EXOC4: variants seen among roughly 807,000 people sequenced by gnomAD.
EXOC4 encodes the protein exocyst complex component 4.
EXOC4 carries 71 observed loss-of-function variants against 107.2 expected under a neutral mutation model. That is an observed-to-expected ratio of 0.66 (90% CI 0.55 to 0.81). The LOEUF (loss-of-function observed/expected upper bound fraction) is 0.81. Among genes scored for constraint, EXOC4 ranks in the 30% least tolerant of loss-of-function variants. The probability of loss-of-function intolerance (pLI) is 0.00; values close to 1 mark genes in which losing one functional copy is unlikely to be tolerated. For missense variants in EXOC4, 1,108 were observed against 1,189.6 expected (o/e 0.93, Z 1.01); for synonymous variants, 456 against 441.2 (o/e 1.03, Z -0.42).
intron 11 of EXOC4, among the ~76,000 whole-genome samples, chr7:133,846,022 C>CCA (rs368335987): frequency 6.6e-6 from 1 of 151,262 alleles, no homozygotes; most frequent in East Asian, 1.9e-4. Flanking sequence ...TCACAGTCCC[C>CCA]CACACACACA....
intron 12 of EXOC4, among the ~76,000 whole-genome samples, chr7:133,897,163 C>T (rs1205678381): frequency 8.6e-5 from 13 of 151,890 alleles, no homozygotes; most frequent in Middle Eastern, 3.4e-3. Context: ...GCAGTGTTTA[C>T]GGAAGATGAA....
At chr7:133,502,586 C>T (rs1799595364) in intron 9 of EXOC4, among the ~76,000 whole-genome samples, 1 of 152,002 alleles carries the variant, frequency 6.6e-6, no homozygotes, top group South Asian at 2.1e-4. Flanking sequence ...TTTCAAGTCA[C>T]TCAAGACACA....
chr7:134,089,513 C>T, the EXOC4 span, among the ~76,000 whole-genome samples: 3 of 152,108 alleles, frequency 2.0e-5, no homozygotes, highest in Non-Finnish European at 2.9e-5. Flanking sequence ...TGACTCTTTC[C>T]AACATCTAAC....
At chr7:133,318,445 C>T (rs887817254) in intron 5 of EXOC4, among the ~76,000 whole-genome samples, 8 of 152,120 alleles carry the variant, frequency 5.3e-5, no homozygotes, top group Admixed American at 2.0e-4. Context: ...GAAGAAGACT[C>T]GATGTCTTTT....
At chr7:133,402,234 A>T (rs1797106196) in intron 7 of EXOC4, among the ~76,000 whole-genome samples, 1 of 152,202 alleles carries the variant, frequency 6.6e-6, no homozygotes, top group Non-Finnish European at 1.5e-5. Context: ...TTGTTGGCTA[A>T]TTGCCATTAA....
At chr7:133,801,842 A>C (rs1005099101) in intron 10 of EXOC4, among the ~76,000 whole-genome samples, 10 of 152,198 alleles carry the variant, frequency 6.6e-5, no homozygotes, top group African/African-American at 2.4e-4. Context: ...TTAACACACC[A>C]ATAATACAAG....
At chr7:133,795,623 A>G (rs1384706761) in intron 10 of EXOC4, among the ~76,000 whole-genome samples, 3 of 152,192 alleles carry the variant, frequency 2.0e-5, no homozygotes, top group Non-Finnish European at 2.9e-5. Context: ...CTGTGACATC[A>G]TATTATCTCT....
chr7:133,856,549 TAGAG>T (rs145972158), intron 11 of EXOC4, among the ~76,000 whole-genome samples: 2,337 of 152,302 alleles, frequency 0.015, 56 homozygotes, highest in African/African-American at 0.053. Context: ...CAACATGTAG[TAGAG>T]AGAGAAAATG....
intron 14 of EXOC4, among the ~76,000 whole-genome samples, chr7:133,952,169 A>G (rs957165357): frequency 7.2e-6 from 1 of 139,120 alleles, no homozygotes; most frequent in African/African-American, 2.5e-5. Flanking sequence ...GAAAAAAAAA[A>G]AGAAAAAAAA....
At chr7:133,507,690 C>T (rs1402618497) in intron 9 of EXOC4, among the ~76,000 whole-genome samples, 1 of 152,182 alleles carries the variant, frequency 6.6e-6, no homozygotes, top group Admixed American at 6.5e-5. Flanking sequence ...AGAATTTTAG[C>T]ATGACCAGTT....
chr7:133,937,052 C>G (rs530479226), intron 13 of EXOC4, among the ~76,000 whole-genome samples: 1 of 152,188 alleles, frequency 6.6e-6, no homozygotes, highest in African/African-American at 2.4e-5. Flanking sequence ...CTTTGCCACT[C>G]ATGTGTCATG....
At chr7:133,901,933 A>G (rs1286432768) in intron 12 of EXOC4, among the ~76,000 whole-genome samples, 2 of 152,070 alleles carry the variant, frequency 1.3e-5, no homozygotes, top group Non-Finnish European at 2.9e-5. Flanking sequence ...TTCCTTAAGA[A>G]CTCTCTTCTT....
Position 133,830,116 on chromosome 7 carries a change from A to G in EXOC4, c.1734+12572A>G, listed in dbSNP as rs1022385892. Among the ~76,000 whole-genome samples the G allele has an allele frequency of 2.0e-5, 3 of 152,308 alleles. No individual in the cohort carries two copies. The South Asian group carries it at 6.2e-4, about 32-fold the overall frequency. The stretch of plus-strand genomic sequence containing the variant: ...AGATAACTACACTTAAATGAGAGCT[A>G]TTCTCTACCTCTCCTCACTGCACAC... On this transcript the variant is annotated intron_variant, in intron 11 of 17. Coordinates refer to ENST00000253861, the MANE Select transcript of EXOC4 (RefSeq NM_021807.4).
At chr7:133,814,823 T>C (rs1797326697) in intron 10 of EXOC4, among the ~76,000 whole-genome samples, 1 of 152,234 alleles carries the variant, frequency 6.6e-6, no homozygotes, top group Non-Finnish European at 1.5e-5. Flanking sequence ...CTACAAATAG[T>C]CTTTTCATGT....
intron 9 of EXOC4, 132 bp from the exon 10 acceptor site, chr7:133,629,913 T>C: frequency 1.6e-6 from 1 of 620,608 alleles, no homozygotes; most frequent in Non-Finnish European, 2.9e-6. Context: ...AATAATTTCG[T>C]ACATACCGAA....
chr7:134,071,421 T>C (rs1287993453), downstream of EXOC4, among the ~76,000 whole-genome samples: 1 of 152,246 alleles, frequency 6.6e-6, no homozygotes, highest in Non-Finnish European at 1.5e-5. Flanking sequence ...ACTGGTGTCC[T>C]AAAGGACCAT....
chr7:133,538,598 T>A (rs1485811878), intron 9 of EXOC4, among the ~76,000 whole-genome samples: 4 of 152,020 alleles, frequency 2.6e-5, no homozygotes, highest in Non-Finnish European at 4.4e-5. Context: ...GGAGCATCAC[T>A]TGAGGCTGGG....
chr7:133,600,939 A>T (rs542244581), intron 9 of EXOC4, among the ~76,000 whole-genome samples: 26 of 152,326 alleles, frequency 1.7e-4, no homozygotes, highest in African/African-American at 5.8e-4. Flanking sequence ...AGATTATGCT[A>T]AGAAAGTATG....
intron 7 of EXOC4, among the ~76,000 whole-genome samples, chr7:133,458,826 T>A (rs1232677648): frequency 6.6e-6 from 1 of 152,206 alleles, no homozygotes; most frequent in African/African-American, 2.4e-5. Context: ...TTAATTAAGA[T>A]GTTTAGTTCT....
Sources: allele counts gnomAD v4.1 joint callset (sites outside exome capture counted in the v4.1 genomes callset), GRCh38; gene constraint gnomAD v4.1.1; transcripts MANE v1.5; gene names NCBI Gene and HGNC (gene_info 2026-07-23, HGNC 2026-07-21).